The following NRXN3 variants were observed in gnomAD, a reference collection of about 807,000 sequenced individuals.
NRXN3 encodes neurexin 3.
In NRXN3, 32 loss-of-function variants were observed where a neutral mutation model predicts 137.6. The ratio of observed to expected loss-of-function variants is 0.23; its 90% CI spans 0.18 to 0.31. The LOEUF is 0.31. NRXN3 is among the 10% of genes least tolerant of loss of function. The pLI is 1.00. For missense variants in NRXN3, 1,574 were observed against 2,062.5 expected, an observed-to-expected ratio of 0.76 and a Z score of 4.59; for synonymous variants, 798 against 784.5, an observed-to-expected ratio of 1.02 and a Z score of -0.29.
At chr14:78,522,411 C>G (rs988574871) in intron 4 of NRXN3, among the ~76,000 whole-genome samples, 1 of 152,100 alleles carries the variant, frequency 6.6e-6, no homozygotes, top group Non-Finnish European at 1.5e-5. Context: ...TTGAAAGAGT[C>G]ATTTTTATTC....
chr14:79,557,467 A>T (rs2097442046), intron 16 of NRXN3, among the ~76,000 whole-genome samples: 1 of 152,068 alleles, frequency 6.6e-6, no homozygotes, highest in Non-Finnish European at 1.5e-5. Flanking sequence ...GACTTTGGAG[A>T]TGTTGTGGAT....
At chr14:78,326,497 G>A (rs371319766) in intron 4 of NRXN3, among the ~76,000 whole-genome samples, 2 of 152,336 alleles carry the variant, frequency 1.3e-5, no homozygotes, top group African/African-American at 4.8e-5. Context: ...AAGGTGACAG[G>A]TTGAAGGGAC....
chr14:78,783,658 G>A (rs1031197713), intron 8 of NRXN3, among the ~76,000 whole-genome samples: 1 of 152,118 alleles, frequency 6.6e-6, no homozygotes, highest in Admixed American at 6.6e-5. Flanking sequence ...CTATAAGTAT[G>A]TAAGTTTGAA....
chr14:78,235,609 A>T (rs1347912583), intron 1 of NRXN3, among the ~76,000 whole-genome samples: 1 of 151,736 alleles, frequency 6.6e-6, no homozygotes, highest in East Asian at 1.9e-4. Flanking sequence ...AAAAAAAAAA[A>T]GTGTTATAGT....
intron 10 of NRXN3, among the ~76,000 whole-genome samples, chr14:78,818,799 T>G (rs905337914): frequency 6.6e-6 from 1 of 152,176 alleles, no homozygotes; most frequent in Non-Finnish European, 1.5e-5. Context: ...GGAATTCTCA[T>G]AGACTGAGTA....
At chr14:78,356,123 T>C (rs762321029) in intron 4 of NRXN3, among the ~76,000 whole-genome samples, 8 of 152,238 alleles carry the variant, frequency 5.3e-5, no homozygotes, top group Non-Finnish European at 1.2e-4. Context: ...ACAGAAATTC[T>C]CACCCACTTT....
At chr14:79,773,001 T>G (rs917133367) in intron 19 of NRXN3, among the ~76,000 whole-genome samples, 25 of 152,202 alleles carry the variant, frequency 1.6e-4, no homozygotes, top group African/African-American at 5.1e-4. Context: ...AGAAGACATT[T>G]ATGCAGCCAA....
chr14:78,280,183 C>T (rs1310354807), intron 3 of NRXN3, among the ~76,000 whole-genome samples: 2 of 152,162 alleles, frequency 1.3e-5, no homozygotes, highest in Non-Finnish European at 2.9e-5. Context: ...ATTCAGTGCC[C>T]TCATGGACCT....
intron 15 of NRXN3, among the ~76,000 whole-genome samples, chr14:79,053,049 C>G (rs926508175): frequency 6.6e-6 from 1 of 152,178 alleles, no homozygotes; most frequent in Non-Finnish European, 1.5e-5. Flanking sequence ...TTCATTCATT[C>G]ATTGATTTAA....
At chr14:79,343,195 T>C (rs1398727754) in intron 15 of NRXN3, among the ~76,000 whole-genome samples, 1 of 152,146 alleles carries the variant, frequency 6.6e-6, no homozygotes, top group Non-Finnish European at 1.5e-5. Context: ...GCTGCATGAC[T>C]CCTAAACCAT....
At chr14:79,829,728 G>A (rs2099317094) in intron 20 of NRXN3, among the ~76,000 whole-genome samples, 1 of 152,138 alleles carries the variant, frequency 6.6e-6, no homozygotes, top group South Asian at 2.1e-4. Flanking sequence ...GATTGCAAGT[G>A]AGTATCTTTT....
intron 19 of NRXN3, among the ~76,000 whole-genome samples, chr14:79,703,801 G>T (rs1186010377): frequency 6.6e-6 from 1 of 152,132 alleles, no homozygotes; most frequent in Non-Finnish European, 1.5e-5. Context: ...TGGCCTTACA[G>T]TACCTTTCCC....
At chr14:78,491,302 G>C (rs1324283302) in intron 4 of NRXN3, among the ~76,000 whole-genome samples, 7 of 129,916 alleles carry the variant, frequency 5.4e-5, no homozygotes, top group Non-Finnish European at 8.8e-5. Context: ...GAGGGAAAAG[G>C]GATGAGATTC....
At position 78,461,919 on chromosome 14, in the gene NRXN3, G is replaced by T. The variant is rs1171808436; in HGVS notation, c.757+164059G>T. Among the ~76,000 whole-genome samples, 9 of 152,186 alleles carry T rather than the reference G, an allele frequency of 5.9e-5. No individual in the cohort carries two copies. In the East Asian group the frequency reaches 1.5e-3, roughly 26 times the overall value. ...AGTGAAGTCAGACCTGATTTAAGAT[G>T]AATCTTTCTTCCATTGAGCAGGCAG... On this transcript the variant is annotated intron_variant, in intron 4 of 20. Transcript: ENST00000335750.
intron 15 of NRXN3, among the ~76,000 whole-genome samples, chr14:79,019,623 A>G (rs1030035336): frequency 3.9e-5 from 6 of 152,150 alleles, no homozygotes; most frequent in African/African-American, 1.4e-4. Context: ...TAGGTACAGG[A>G]AAGGAAACTC....
At chr14:78,994,141 A>C (rs972662845) in intron 15 of NRXN3, among the ~76,000 whole-genome samples, 2 of 152,106 alleles carry the variant, frequency 1.3e-5, no homozygotes, top group Non-Finnish European at 2.9e-5. Context: ...GGTGTGAGCC[A>C]CTGCGCCTGG....
rs947957688 is a variant in NRXN3, at chr14:79,862,891, T to C, written c.*927T>C. ...GAGCTATTGGCTTTACGTAACAATA[T>C]TGTTCCTGTCCATTCACCCAGCCAA... On this transcript the variant is annotated 3_prime_UTR_variant, in exon 21 of 21. Coordinates refer to ENST00000335750, the MANE Select transcript of NRXN3 (RefSeq NM_001330195.2). The C allele has an allele frequency of 2.0e-5, 3 of 152,442 alleles. No homozygotes were observed. Among genetic ancestry groups the C allele is most frequent in the African/African-American group, 4.8e-5 (2 of 41,448 alleles). 9.4% of individuals were successfully genotyped at this position (152,442 alleles called of 1,614,324 possible). A position where few individuals can be genotyped will look rare whatever the true frequency, so the allele number is the denominator to read the frequency against.
chr14:79,853,358 CTG>C (rs143506915), intron 20 of NRXN3, among the ~76,000 whole-genome samples: 3 of 152,290 alleles, frequency 2.0e-5, no homozygotes, highest in Non-Finnish European at 4.4e-5. Flanking sequence ...AAAAGTTTAA[CTG>C]TTTTTATTAT....
intron 16 of NRXN3, among the ~76,000 whole-genome samples, chr14:79,579,042 T>C (rs1373232775): frequency 6.6e-6 from 1 of 152,092 alleles, no homozygotes; most frequent in East Asian, 1.9e-4. Flanking sequence ...ATTTACAAGT[T>C]AGAAGCATAC....
Sources: gnomAD v4.1 joint callset for allele counts (sites outside exome capture counted in the v4.1 genomes callset) on GRCh38, gnomAD v4.1.1 for gene constraint, MANE v1.5 for transcripts, NCBI Gene and HGNC (gene_info 2026-07-23, HGNC 2026-07-21) for gene names.